Variants in TRHDE observed in about 807,000 individuals in gnomAD.
The protein encoded by TRHDE is thyrotropin-releasing hormone-degrading ectoenzyme.
TRHDE carries 72 observed loss-of-function variants against 125.7 expected under a neutral mutation model. The observed-to-expected ratio is 0.57, with a 90% confidence interval of 0.47 to 0.70. TRHDE has a LOEUF of 0.70. TRHDE is among the 30% of genes least tolerant of loss of function. The pLI is 0.00. For missense variants in TRHDE, 1,110 were observed against 1,327.1 expected (o/e 0.84, Z 2.54); for synonymous variants, 509 against 509.1 (o/e 1.00, Z 0.00).
Position 72,118,780 on chromosome 12 carries a change from G to T in TRHDE, n.279+13028G>T, listed in dbSNP as rs1450190768. Among the ~76,000 whole-genome samples, 5 of 152,208 alleles carry T rather than the reference G, an allele frequency of 3.3e-5. 1 individual carries two copies. The East Asian group carries it at 9.6e-4, about 29-fold the overall frequency. On this transcript the variant is annotated intron_variant and non_coding_transcript_variant, in intron 2 of 4. Transcript: ENST00000548156. ...ATTTTTTCATGGTTCAGTTTCAGTA[G>T]GTTGTATGTGTCTAGAAATCCATTT...
At chr12:72,488,505 TA>T (rs1877515021) in intron 5 of TRHDE, among the ~76,000 whole-genome samples, 1 of 152,016 alleles carries the variant, frequency 6.6e-6, no homozygotes. Context: ...CCTAAATATG[TA>T]AAGCATGTAT....
At chr12:72,407,793 G>A (rs183719882) in intron 3 of TRHDE, among the ~76,000 whole-genome samples, 11 of 152,292 alleles carry the variant, frequency 7.2e-5, no homozygotes, top group African/African-American at 2.4e-4. Flanking sequence ...GTAGTAGACA[G>A]CACATTTCTT....
At chr12:72,133,120 G>A (rs1007360302) in intron 2 of TRHDE, among the ~76,000 whole-genome samples, 1 of 152,170 alleles carries the variant, frequency 6.6e-6, no homozygotes, top group Non-Finnish European at 1.5e-5. Flanking sequence ...GCTTTTGTAA[G>A]TATACATACA....
At chr12:72,490,769 A>AAC (rs1555190890) in intron 5 of TRHDE, among the ~76,000 whole-genome samples, 2 of 151,466 alleles carry the variant, frequency 1.3e-5, no homozygotes, top group African/African-American at 4.8e-5. Flanking sequence ...AAAAAAAAAA[A>AAC]AAACAACCCT....
At chr12:72,535,670 G>C (rs1192332730) in intron 6 of TRHDE, among the ~76,000 whole-genome samples, 5 of 151,056 alleles carry the variant, frequency 3.3e-5, no homozygotes, top group African/African-American at 1.2e-4. Flanking sequence ...GCTAAATATA[G>C]CTATCATATT....
intron 12 of TRHDE, among the ~76,000 whole-genome samples, chr12:72,602,352 A>G (rs1186293717): frequency 6.6e-6 from 1 of 152,220 alleles, no homozygotes; most frequent in Non-Finnish European, 1.5e-5. Context: ...ATGAAAATAC[A>G]GAAGGATTCT....
At chr12:72,224,036 T>C (rs1830696509) in intron 2 of TRHDE, among the ~76,000 whole-genome samples, 1 of 151,976 alleles carries the variant, frequency 6.6e-6, no homozygotes, top group South Asian at 2.1e-4. Context: ...GTCTTCTCTT[T>C]ATAGAACTAA....
chr12:72,290,838 C>T (rs559234278), intron 2 of TRHDE, among the ~76,000 whole-genome samples: 57 of 152,220 alleles, frequency 3.7e-4, no homozygotes, highest in African/African-American at 1.2e-3. Context: ...ACTAGGTGGG[C>T]GTTATGTGGA....
At chr12:72,457,197 TTAG>T (rs1875898834) in intron 3 of TRHDE, among the ~76,000 whole-genome samples, 1 of 152,136 alleles carries the variant, frequency 6.6e-6, no homozygotes, top group South Asian at 2.1e-4. Flanking sequence ...ATAAAGTATT[TTAG>T]TAGTATGCAG....
intron 2 of TRHDE, among the ~76,000 whole-genome samples, chr12:72,377,196 A>G (rs1245043270): frequency 2.6e-5 from 4 of 152,180 alleles, no homozygotes; most frequent in African/African-American, 9.7e-5. Context: ...TAGCCTTTGG[A>G]AAGAAAGATG....
intron 2 of TRHDE, among the ~76,000 whole-genome samples, chr12:72,152,381 C>A (rs1301715052): frequency 6.6e-6 from 1 of 151,728 alleles, no homozygotes; most frequent in Admixed American, 6.6e-5. Flanking sequence ...AATTGAATAC[C>A]CTTTATTTCC....
At chr12:72,383,813 A>T (rs1157393272) in intron 3 of TRHDE, among the ~76,000 whole-genome samples, 1 of 151,438 alleles carries the variant, frequency 6.6e-6, no homozygotes, top group Non-Finnish European at 1.5e-5. Flanking sequence ...ATAGATTTGG[A>T]ATTCAAACCC....
chr12:72,125,465 A>T (rs1875691126), intron 2 of TRHDE, among the ~76,000 whole-genome samples: 1 of 152,168 alleles, frequency 6.6e-6, no homozygotes, highest in Non-Finnish European at 1.5e-5. Flanking sequence ...AGTGAACATC[A>T]CCAGGCAAGA....
intron 2 of TRHDE, among the ~76,000 whole-genome samples, chr12:72,122,173 TTTC>T (rs1364838894): frequency 1.3e-5 from 2 of 152,166 alleles, no homozygotes; most frequent in African/African-American, 4.8e-5. Context: ...AAACCCATAT[TTTC>T]TTCTGTGCTA....
At chr12:72,136,763 A>G (rs866463709) in intron 2 of TRHDE, among the ~76,000 whole-genome samples, 78 of 152,302 alleles carry the variant, frequency 5.1e-4, no homozygotes, top group Middle Eastern at 3.4e-3. Flanking sequence ...CGTTGTATGG[A>G]GGAGAAAGTT....
chr12:72,375,226 C>T (rs751132189), intron 2 of TRHDE, among the ~76,000 whole-genome samples: 8 of 152,172 alleles, frequency 5.3e-5, no homozygotes, highest in Admixed American at 1.3e-4. Flanking sequence ...ATAGTATGAA[C>T]CTCTTAAGAG....
Position 72,575,329 on chromosome 12 carries a change from G to C in TRHDE, c.2206G>C (p.Val736Leu). ...CATCAATCAAACTGGCTATTTTAGAGTCAACTATGACCTAAGGAACTGGAG... is the reference window on the plus strand; with the variant it reads ...CATCAATCAAACTGGCTATTTTAGACTCAACTATGACCTAAGGAACTGGAG... ...GNINQTGYFR[V>L]NYDLRNWRLL... Residue 736 changes from valine to leucine, a missense_variant, in exon 11 of 19, where the codon GTC becomes CTC. Val to Leu is a conservative substitution (Grantham distance 32, BLOSUM62 1). Around this residue, in one of 5 missense-constraint regions of TRHDE, gnomAD observed 527 missense variants for 651.8 expected, o/e 0.81. Coordinates refer to ENST00000261180, the MANE Select transcript of TRHDE (RefSeq NM_013381.3). 1 of 1,613,566 alleles carries C rather than the reference G, an allele frequency of 6.2e-7. No homozygotes were observed. Among genetic ancestry groups the C allele is most frequent in the Non-Finnish European group, 8.5e-7 (1 of 1,179,700 alleles).
At chr12:72,373,446 A>G (rs562106801) in intron 2 of TRHDE, among the ~76,000 whole-genome samples, 5 of 152,278 alleles carry the variant, frequency 3.3e-5, no homozygotes, top group African/African-American at 1.2e-4. Context: ...GAGTGGTGAG[A>G]GAGGGCATCC....
chr12:72,211,007 A>G (rs1463639963), intron 2 of TRHDE, among the ~76,000 whole-genome samples: 1 of 152,202 alleles, frequency 6.6e-6, no homozygotes, highest in African/African-American at 2.4e-5. Context: ...CATGTAATTG[A>G]TGCCTATCCA....
Sources: allele counts gnomAD v4.1 joint callset (sites outside exome capture counted in the v4.1 genomes callset), GRCh38; gene constraint gnomAD v4.1.1; regional missense constraint gnomAD v4.1.1; transcripts MANE v1.5; gene names NCBI Gene and HGNC (gene_info 2026-07-23, HGNC 2026-07-21).